DNAJC15: variants seen among roughly 807,000 people sequenced by gnomAD.
The protein encoded by DNAJC15 is DnaJ heat shock protein family (Hsp40) member C15.
A neutral mutation model predicts 22.4 loss-of-function variants in DNAJC15; 27 were observed. That is an observed-to-expected ratio of 1.20 (90% CI 0.89 to 1.66). The LOEUF (loss-of-function observed/expected upper bound fraction) is 1.66, where lower values mean the gene tolerates loss of function less well. Among genes scored for constraint, DNAJC15 ranks in the 40% most tolerant of loss-of-function variants. DNAJC15 has a pLI of 0.00. For synonymous variants in DNAJC15, 79 were observed against 63.2 expected, an observed-to-expected ratio of 1.25 and a Z score of -1.19; for missense variants, 208 against 187.1, an observed-to-expected ratio of 1.11 and a Z score of -0.65.
intron 5 of DNAJC15, among the ~76,000 whole-genome samples, chr13:43,094,156 A>G (rs2040728512): frequency 6.6e-6 from 1 of 152,242 alleles, no homozygotes; most frequent in Non-Finnish European, 1.5e-5. Context: ...AAGGTCTATT[A>G]TATTAAAATC....
chr13:43,100,663 T>A (rs768062486), intron 5 of DNAJC15, among the ~76,000 whole-genome samples: 1 of 152,232 alleles, frequency 6.6e-6, no homozygotes, highest in Non-Finnish European at 1.5e-5. Context: ...TTTCAACTTA[T>A]TAAGGTTTGT....
At chr13:43,085,074 C>T (rs2040681012) in intron 4 of DNAJC15, among the ~76,000 whole-genome samples, 1 of 152,060 alleles carries the variant, frequency 6.6e-6, no homozygotes, top group Non-Finnish European at 1.5e-5. Flanking sequence ...CATTAAAATC[C>T]AGCAGTGTGC....
chr13:43,093,620 G>A (rs1460168444), intron 5 of DNAJC15, among the ~76,000 whole-genome samples: 1 of 152,014 alleles, frequency 6.6e-6, no homozygotes, highest in Non-Finnish European at 1.5e-5. Flanking sequence ...TCACTATGTT[G>A]TCCAGTCTGG....
Position 43,107,391 on chromosome 13 carries a change from A to T in DNAJC15, c.*143A>T, listed in dbSNP as rs2040802545. 2 of 535,500 alleles carry T rather than the reference A, an allele frequency of 3.7e-6. No homozygotes were observed. The highest frequency in any genetic ancestry group is 2.0e-5 in the African/African-American group (1 of 50,278). 33.2% of individuals were successfully genotyped at this position (535,500 alleles called of 1,614,324 possible). ...ATCTTCCACCATTAAGCTGTATAAC[A>T]ATAAAATGTTAATAGTCTTGCTTTT... On this transcript the variant is annotated 3_prime_UTR_variant, in exon 6 of 6. Transcript: ENST00000379221.
intron 5 of DNAJC15, among the ~76,000 whole-genome samples, chr13:43,101,439 T>C (rs1392520535): frequency 1.3e-5 from 2 of 152,232 alleles, no homozygotes; most frequent in African/African-American, 4.8e-5. Context: ...TTCAGTAGTT[T>C]TGGGGGAACA....
At position 43,069,139 on chromosome 13, in the gene DNAJC15, T is replaced by G. The variant is rs535445491; in HGVS notation, c.234+136T>G. On this transcript the variant is annotated intron_variant, in intron 3 of 5. Coordinates refer to ENST00000379221, the MANE Select transcript of DNAJC15 (RefSeq NM_013238.3). ...TTTCCTTCACTATATCATTGGTGAG[T>G]TTGTCTAATTTACTGGCTCAGTTTC... 815 of 744,264 alleles carry G rather than the reference T, an allele frequency of 1.1e-3. 3 individuals are homozygous for G. The highest frequency in any genetic ancestry group is 1.6e-3 in the Non-Finnish European group (748 of 481,920). 46.1% of individuals were successfully genotyped at this position (744,264 alleles called of 1,614,324 possible).
Position 43,107,344 on chromosome 13 carries a change from T to C in DNAJC15, c.*96T>C. On this transcript the variant is annotated 3_prime_UTR_variant, in exon 6 of 6. Coordinates refer to ENST00000379221, the MANE Select transcript of DNAJC15 (RefSeq NM_013238.3). ...CTAAAACATGGTCTTCTTAATTTTC[T>C]ATATGGATTGACCACAGTCTTATCT... The C allele has an allele frequency of 2.0e-6, 2 of 1,020,976 alleles. No homozygotes were observed. Among genetic ancestry groups the C allele is most frequent in the South Asian group, 2.2e-5 (1 of 45,760 alleles). The allele number at this position is 1,020,976 out of a possible 1,614,324, so 63.2% of individuals were successfully genotyped here.
chr13:43,088,765 T>C (rs963607675), intron 5 of DNAJC15, among the ~76,000 whole-genome samples: 1 of 152,098 alleles, frequency 6.6e-6, no homozygotes, highest in African/African-American at 2.4e-5. Context: ...AAATGTGTTC[T>C]AAATATTTAG....
At chr13:43,099,844 T>G (rs2040758802) in intron 5 of DNAJC15, among the ~76,000 whole-genome samples, 2 of 152,180 alleles carry the variant, frequency 1.3e-5, no homozygotes, top group Non-Finnish European at 2.9e-5. Context: ...GCTAGTATTG[T>G]GTTTTAGTAT....
At chr13:43,084,529 T>TA (rs2040678290) in intron 4 of DNAJC15, among the ~76,000 whole-genome samples, 1 of 152,238 alleles carries the variant, frequency 6.6e-6, no homozygotes, top group Admixed American at 6.5e-5. Flanking sequence ...CCATGCAAAT[T>TA]AAATTATTTT....
intron 1 of DNAJC15, among the ~76,000 whole-genome samples, chr13:43,035,253 A>G (rs2040424048): frequency 6.6e-6 from 1 of 152,154 alleles, no homozygotes; most frequent in South Asian, 2.1e-4. Context: ...GAAAGGAATT[A>G]GAGAGAGAGA....
intron 1 of DNAJC15, among the ~76,000 whole-genome samples, chr13:43,027,534 A>T (rs967808415): frequency 6.6e-6 from 1 of 152,240 alleles, no homozygotes; most frequent in Non-Finnish European, 1.5e-5. Flanking sequence ...GCATTTATTC[A>T]TTTCCAAAAA....
intron 3 of DNAJC15, among the ~76,000 whole-genome samples, chr13:43,077,652 A>G (rs997182803): frequency 6.6e-6 from 1 of 152,224 alleles, no homozygotes; most frequent in Non-Finnish European, 1.5e-5. Context: ...GGCAATTCCT[A>G]AAGTGTCTGA....
Position 43,113,130 on chromosome 13 carries a change from C to T in DNAJC15, c.*5882C>T, listed in dbSNP as rs1022196525. On this transcript the variant is annotated 3_prime_UTR_variant, in exon 6 of 6. Coordinates refer to ENST00000379221, the MANE Select transcript of DNAJC15 (RefSeq NM_013238.3). ...GGACAAGAGCTTTCAAGGAGAACAT[C>T]CAGAGCAAGGTTCTGAAGACAGCTC... The T allele has an allele frequency of 3.9e-5, 6 of 152,150 alleles. No homozygotes were observed. Among genetic ancestry groups the T allele is most frequent in the Admixed American group, 3.9e-4 (6 of 15,268 alleles). 9.4% of individuals were successfully genotyped at this position (152,150 alleles called of 1,614,324 possible). A position where few individuals can be genotyped will look rare whatever the true frequency, so the allele number is the denominator to read the frequency against.
At chr13:43,068,856 T>TG (rs1394063621) in intron 2 of DNAJC15, 74 bp from the exon 3 acceptor site, 1 of 1,238,972 alleles carries the variant, frequency 8.1e-7, no homozygotes, top group Non-Finnish European at 1.1e-6. Flanking sequence ...TAAATACTGT[T>TG]GCAAGCACTT....
At chr13:43,095,445 T>TC in intron 5 of DNAJC15, among the ~76,000 whole-genome samples, 1 of 152,154 alleles carries the variant, frequency 6.6e-6, no homozygotes, top group East Asian at 1.9e-4. Flanking sequence ...CAGTAGATTG[T>TC]CCAAGTGGAA....
Position 43,107,085 on chromosome 13 carries a change from C to T in DNAJC15, c.383-93C>T, listed in dbSNP as rs892435280. ...TTTGTCAGAGGATTAATGTGTGAGACAATATTCAAAAAAGAGTATTTTTAT... is the reference window on the plus strand; with the variant it reads ...TTTGTCAGAGGATTAATGTGTGAGATAATATTCAAAAAAGAGTATTTTTAT... On this transcript the variant is annotated intron_variant, in intron 5 of 5. Transcript: ENST00000379221. 6 of 966,864 alleles carry T rather than the reference C, an allele frequency of 6.2e-6. No homozygotes were observed. The South Asian group carries it at 1.5e-4, about 24-fold the overall frequency. 59.9% of individuals were successfully genotyped at this position (966,864 alleles called of 1,614,324 possible).
chr13:43,072,807 A>G (rs2040615139), intron 3 of DNAJC15, among the ~76,000 whole-genome samples: 1 of 152,098 alleles, frequency 6.6e-6, no homozygotes, highest in African/African-American at 2.4e-5. Context: ...CAAGTGATCC[A>G]CCCACCTCAA....
chr13:43,029,421 T>C (rs983481120), intron 1 of DNAJC15, among the ~76,000 whole-genome samples: 1 of 152,212 alleles, frequency 6.6e-6, no homozygotes, highest in Admixed American at 6.5e-5. Flanking sequence ...ATAGAAATTT[T>C]AGCATTTTAT....
Sources: gnomAD v4.1 joint callset for allele counts (sites outside exome capture counted in the v4.1 genomes callset) on GRCh38, gnomAD v4.1.1 for gene constraint, MANE v1.5 for transcripts, NCBI Gene and HGNC (gene_info 2026-07-23, HGNC 2026-07-21) for gene names.